The following UBAP2 variants were observed in gnomAD, a reference collection of about 807,000 sequenced individuals.
UBAP2 encodes ubiquitin associated protein 2, also known as ubiquitin-associated protein 2.
In UBAP2, 75 loss-of-function variants were observed where a neutral mutation model predicts 139.6. The observed-to-expected ratio is 0.54, with a 90% CI of 0.45 to 0.65. The LOEUF is 0.65. Among genes scored for constraint, UBAP2 ranks in the 30% least tolerant of loss-of-function variants. The pLI is 0.00. For synonymous variants in UBAP2, 526 were observed against 526.2 expected, an observed-to-expected ratio of 1.00 and a Z score of 0.01; for missense variants, 1,368 against 1,369.6, an observed-to-expected ratio of 1.00 and a Z score of 0.02.
At chr9:33,977,164 G>C in intron 6 of UBAP2, among the ~76,000 whole-genome samples, 1 of 150,404 alleles carries the variant, frequency 6.6e-6, no homozygotes. Flanking sequence ...TCAGCCTCCT[G>C]AGTAGCTGGG....
intron 1 of UBAP2, among the ~76,000 whole-genome samples, chr9:34,046,630 C>G (rs920363667): frequency 4.4e-5 from 5 of 113,878 alleles, no homozygotes; most frequent in East Asian, 4.8e-4. Context: ...GGCGACAGAA[C>G]AAGACTCCAT....
intron 1 of UBAP2, among the ~76,000 whole-genome samples, chr9:34,043,448 T>G (rs1470788968): frequency 6.6e-6 from 1 of 152,194 alleles, no homozygotes; most frequent in Non-Finnish European, 1.5e-5. Flanking sequence ...ATTACAGGCA[T>G]GAGCCACCAC....
intron 19 of UBAP2, among the ~76,000 whole-genome samples, chr9:33,930,521 G>A (rs1462235497): frequency 1.3e-5 from 2 of 151,876 alleles, no homozygotes; most frequent in Non-Finnish European, 2.9e-5. Flanking sequence ...ACACTTGTGG[G>A]GATACACAAG....
intron 22 of UBAP2, among the ~76,000 whole-genome samples, chr9:33,925,044 C>T (rs551909817): frequency 6.6e-6 from 1 of 152,294 alleles, no homozygotes; most frequent in Admixed American, 6.5e-5. Flanking sequence ...GCAGATACAA[C>T]AAAGTGTGGA....
intron 4 of UBAP2, among the ~76,000 whole-genome samples, chr9:33,993,569 G>C (rs1587627190): frequency 6.6e-6 from 1 of 152,154 alleles, no homozygotes; most frequent in African/African-American, 2.4e-5. Flanking sequence ...CTACTCGGCA[G>C]GCTGGAGGAT....
At chr9:33,972,010 C>T (rs1827951375) in intron 7 of UBAP2, among the ~76,000 whole-genome samples, 1 of 152,220 alleles carries the variant, frequency 6.6e-6, no homozygotes, top group Non-Finnish European at 1.5e-5. Context: ...ACACGGTCCT[C>T]TGCATCCTAA....
At position 33,924,259 on chromosome 9, in the gene UBAP2, G is replaced by A. The variant is rs758399113; in HGVS notation, c.2537C>T (p.Ala846Val). The A allele has an allele frequency of 2.5e-6, 4 of 1,614,174 alleles. No individual in the cohort carries two copies. The Admixed American group carries it at 5.0e-5, about 20-fold the overall frequency. Residue 846 changes from alanine to valine, a missense_variant, in exon 23 of 29, where the codon GCA (alanine) becomes GTA (valine). Ala to Val is a moderately conservative substitution (Grantham distance 64). Coordinates refer to ENST00000379238, the MANE Select transcript of UBAP2 (RefSeq NM_001370062.2). ...PVDYYGIPFA[A>V]PTALASRDGS... The stretch of plus-strand genomic sequence containing the variant: ...ATCTCGGCTGGCAAGCGCTGTGGGT[G>A]CAGCAAAGGGAATTCCATAGTAGTC...
chr9:34,037,781 C>T (rs969273688), intron 1 of UBAP2, among the ~76,000 whole-genome samples: 8 of 151,806 alleles, frequency 5.3e-5, no homozygotes, highest in Admixed American at 5.3e-4. Flanking sequence ...ATACACAAAC[C>T]CTGACTGGAT....
At chr9:34,041,184 G>A (rs1227340685) in intron 1 of UBAP2, among the ~76,000 whole-genome samples, 3 of 152,018 alleles carry the variant, frequency 2.0e-5, no homozygotes, top group African/African-American at 7.2e-5. Context: ...CGGGCACGAT[G>A]GCTAACACCT....
intron 4 of UBAP2, among the ~76,000 whole-genome samples, chr9:33,992,313 G>A (rs1564051790): frequency 6.6e-6 from 1 of 150,986 alleles, no homozygotes; most frequent in Non-Finnish European, 1.5e-5. Flanking sequence ...GCTTGAACCC[G>A]GGAGGCAGGA....
intron 4 of UBAP2, among the ~76,000 whole-genome samples, chr9:33,991,398 A>G (rs768931748): frequency 1.6e-4 from 24 of 152,184 alleles, no homozygotes; most frequent in Non-Finnish European, 3.2e-4. Context: ...TTCCCAAAAT[A>G]TCAAATTCAG....
intron 2 of UBAP2, among the ~76,000 whole-genome samples, chr9:34,015,411 C>T (rs1039393592): frequency 5.9e-5 from 9 of 152,058 alleles, no homozygotes; most frequent in African/African-American, 1.4e-4. Flanking sequence ...CTCTGCCTCC[C>T]GGGTTCAAGC....
intron 1 of UBAP2, among the ~76,000 whole-genome samples, chr9:34,038,119 T>C (rs1826611967): frequency 7.2e-6 from 1 of 138,118 alleles, no homozygotes; most frequent in Non-Finnish European, 1.5e-5. Flanking sequence ...TGAGCTAGGA[T>C]TGCACCACTG....
At chr9:34,020,251 T>G (rs995034508) in intron 1 of UBAP2, among the ~76,000 whole-genome samples, 1 of 151,698 alleles carries the variant, frequency 6.6e-6, no homozygotes, top group Non-Finnish European at 1.5e-5. Flanking sequence ...TCTCCACATC[T>G]GTCCCACTGG....
intron 19 of UBAP2, chr9:33,928,429 G>A (rs553579643): frequency 2.4e-4 from 38 of 156,722 alleles, no homozygotes; most frequent in African/African-American, 8.2e-4. Context: ...GAAGCCCAGC[G>A]TAAGTCTCAA....
At chr9:33,963,927 A>G in intron 8 of UBAP2, 136 bp from the exon 9 acceptor site, 1 of 653,808 alleles carries the variant, frequency 1.5e-6, no homozygotes, top group African/African-American at 1.8e-5. Context: ...ATTGAAATCC[A>G]TACTCTTACA....
At chr9:34,049,017 C>T (rs1827885616), upstream of UBAP2, 1 of 152,308 alleles carries the variant, frequency 6.6e-6, no homozygotes, top group Non-Finnish European at 1.5e-5. Flanking sequence ...GGCGCGCGGC[C>T]TCTTCCAGCC....
chr9:34,017,226 A>T (rs1824446211), intron 1 of UBAP2, 37 bp from the exon 2 acceptor site: 2 of 970,018 alleles, frequency 2.1e-6, no homozygotes, highest in Non-Finnish European at 3.0e-6. Flanking sequence ...AAACAATCAT[A>T]GTAAAAGATA....
intron 17 of UBAP2, 106 bp from the exon 18 acceptor site, chr9:33,933,734 G>A (rs1016677652): frequency 1.2e-5 from 18 of 1,484,998 alleles, no homozygotes; most frequent in East Asian, 2.3e-5. Context: ...AGCCTCAGTT[G>A]AGACGTCCAT....
Sources: allele counts gnomAD v4.1 joint callset (sites outside exome capture counted in the v4.1 genomes callset), GRCh38; gene constraint gnomAD v4.1.1; transcripts MANE v1.5; gene names NCBI Gene and HGNC (gene_info 2026-07-23, HGNC 2026-07-21).